The following TEK variants were observed in gnomAD, a reference collection of about 807,000 sequenced individuals.
The protein encoded by TEK is angiopoietin-1 receptor.
In TEK, 43 loss-of-function variants were observed where a neutral mutation model predicts 131.8. The observed-to-expected ratio is 0.33, with a 90% confidence interval of 0.26 to 0.42. The LOEUF is 0.42. Ranked by LOEUF, TEK falls within the 10% of genes least tolerant of loss-of-function variation. The pLI is 1.00. For synonymous variants in TEK, 580 were observed against 491.6 expected (o/e 1.18, Z -2.38); for missense variants, 1,162 against 1,384.4 (o/e 0.84, Z 2.55).
Position 27,197,451 on chromosome 9 carries a change from T to C in TEK, c.1761T>C (p.Asp587=). Residue 587 remains aspartate, a synonymous_variant, in exon 12 of 23, where the codon GAT becomes GAC. Coordinates refer to ENST00000380036, the MANE Select transcript of TEK (RefSeq NM_000459.5). Reference sequence around the variant, plus strand: ...AGAGAAGGTCTGTGCAAAAAAGTGATCAGCAGAATATTAAAGTTCCAGGCA... The same window carrying C: ...AGAGAAGGTCTGTGCAAAAAAGTGACCAGCAGAATATTAAAGTTCCAGGCA... ...EVERRSVQKS[D]QQNIKVPGNL... 6.2e-7 allele frequency: 1 copy of C among 1,614,074 alleles called. No individual in the cohort carries two copies. Among genetic ancestry groups the C allele is most frequent in the Admixed American group, 1.7e-5 (1 of 60,006 alleles).
intron 4 of TEK, 110 bp from the exon 5 acceptor site, chr9:27,172,506 A>T (rs1246538878): frequency 1.4e-6 from 2 of 1,459,524 alleles, no homozygotes; most frequent in Admixed American, 3.8e-5. Flanking sequence ...CCTGTATTTT[A>T]TCTTTATTCA....
Position 27,212,852 on chromosome 9 carries a change from C to A in TEK, c.2832C>A (p.Phe944Leu). ...STLSSQQLLH[F>L]AADVARGMDY... ...TGTCCTCCCAGCAGCTCCTTCACTT[C>A]GCTGCCGACGTGGCCCGGGGCATGG... The change falls in exon 17 of 23, where the codon TTC becomes TTA. Residue 944 changes from phenylalanine to leucine, a missense_variant. Around this residue, in one of 6 missense-constraint regions of TEK, gnomAD observed 107 missense variants for 173.9 expected, o/e 0.62. Coordinates refer to ENST00000380036, the MANE Select transcript of TEK (RefSeq NM_000459.5). 6.2e-7 allele frequency: 1 copy of A among 1,614,130 alleles called. No homozygotes were observed.
rs757194893 is a variant in TEK, at chr9:27,157,861, T to G, written c.83T>G (p.Leu28Trp). The G allele has an allele frequency of 1.2e-6, 2 of 1,614,134 alleles. No homozygotes were observed. The highest frequency in any genetic ancestry group is 1.7e-6 in the Non-Finnish European group (2 of 1,179,992). Residue 28 changes from leucine to tryptophan, a missense_variant, in exon 2 of 23, where the codon TTG (leucine) becomes TGG (tryptophan). Around this residue, in one of 6 missense-constraint regions of TEK, gnomAD observed 436 missense variants for 539.1 expected, o/e 0.81. Transcript: ENST00000380036. ...GTVEGAMDLI[L>W]INSLPLVSDA... is the part of the protein sequence containing the mutation. Reference sequence around the variant, plus strand: ...GTGGAAGGTGCCATGGACTTGATCTTGATCAATTCCCTACCTCTTGTATCT... The same window carrying G: ...GTGGAAGGTGCCATGGACTTGATCTGGATCAATTCCCTACCTCTTGTATCT...
At chr9:27,164,120 G>A (rs939941160) in intron 2 of TEK, among the ~76,000 whole-genome samples, 3 of 152,078 alleles carry the variant, frequency 2.0e-5, no homozygotes, top group South Asian at 2.1e-4. Context: ...AGATTCCTTG[G>A]TTCAAATCCT....
At chr9:27,187,131 A>G (rs1431173984) in intron 9 of TEK, among the ~76,000 whole-genome samples, 1 of 152,194 alleles carries the variant, frequency 6.6e-6, no homozygotes, top group Admixed American at 6.6e-5. Context: ...CCATGTGGTG[A>G]ATACACAGAA....
intron 9 of TEK, 70 bp downstream of exon 9, chr9:27,185,699 C>A: frequency 6.3e-7 from 1 of 1,594,504 alleles, no homozygotes; most frequent in Non-Finnish European, 8.6e-7. Flanking sequence ...TGCTTCTAGA[C>A]AGAAATGTAT....
chr9:27,172,437 C>T (rs146647611), intron 4 of TEK, among the ~76,000 whole-genome samples, 179 bp from the exon 5 acceptor site: 71 of 152,278 alleles, frequency 4.7e-4, no homozygotes, highest in Admixed American at 1.1e-3. Flanking sequence ...GTTTCTGTCG[C>T]GATTTCCTGT....
chr9:27,157,604 G>T (rs1167507473), intron 1 of TEK, among the ~76,000 whole-genome samples: 5 of 152,170 alleles, frequency 3.3e-5, no homozygotes, highest in Non-Finnish European at 7.4e-5. Context: ...TGCAACTAGG[G>T]TATGCAGTGG....
intron 1 of TEK, among the ~76,000 whole-genome samples, chr9:27,147,730 G>T (rs1822979256): frequency 1.3e-5 from 2 of 152,108 alleles, no homozygotes; most frequent in Admixed American, 1.3e-4. Flanking sequence ...TGTTTTACAC[G>T]ATGTATTTTT....
chr9:27,162,472 C>T (rs996284019), intron 2 of TEK, among the ~76,000 whole-genome samples: 1 of 152,122 alleles, frequency 6.6e-6, no homozygotes, highest in Non-Finnish European at 1.5e-5. Context: ...AAGTTTGAAA[C>T]GTTTTCAGAT....
chr9:27,119,339 A>G (rs977094007), intron 1 of TEK, among the ~76,000 whole-genome samples: 3 of 152,224 alleles, frequency 2.0e-5, no homozygotes, highest in African/African-American at 7.2e-5. Context: ...TAACTTAAAA[A>G]TACTTAGAAC....
At chr9:27,144,872 C>T (rs1408212943) in intron 1 of TEK, among the ~76,000 whole-genome samples, 1 of 152,094 alleles carries the variant, frequency 6.6e-6, no homozygotes, top group Admixed American at 6.6e-5. Flanking sequence ...AGAAAAGCAA[C>T]ATATAGGGAG....
At position 27,199,180 on chromosome 9, in the gene TEK, A is replaced by T. The variant is rs116428660; in HGVS notation, c.1909+1581A>T. Among the ~76,000 whole-genome samples the T allele has an allele frequency of 6.2e-3, 946 of 152,318 alleles. 9 individuals are homozygous for T. Among genetic ancestry groups the T allele is most frequent in the African/African-American group, 0.022 (902 of 41,572 alleles). ...TTCATTTTTTGAATGGACATTATGA[A>T]TTTTATCGATCCATGTTTATTTAGC... On this transcript the variant is annotated intron_variant, in intron 12 of 22. Transcript: ENST00000380036.
chr9:27,199,199 A>G (rs1050060824), intron 12 of TEK, among the ~76,000 whole-genome samples: 2 of 152,176 alleles, frequency 1.3e-5, no homozygotes, highest in East Asian at 3.9e-4. Flanking sequence ...ATCCATGTTT[A>G]TTTAGCTTTG....
intron 1 of TEK, among the ~76,000 whole-genome samples, chr9:27,132,692 CT>C (rs537423479): frequency 3.4e-4 from 51 of 152,236 alleles, no homozygotes; most frequent in South Asian, 3.3e-3. Context: ...TGTGCTTTAG[CT>C]TCCTTAAAAT....
At chr9:27,117,245 A>G (rs1007569781) in intron 1 of TEK, among the ~76,000 whole-genome samples, 2 of 152,160 alleles carry the variant, frequency 1.3e-5, no homozygotes, top group African/African-American at 2.4e-5. Context: ...ACCAGCCTGC[A>G]GGTGTGTTAT....
intron 21 of TEK, among the ~76,000 whole-genome samples, chr9:27,225,681 A>T (rs947951669): frequency 6.6e-6 from 1 of 152,320 alleles, no homozygotes; most frequent in Middle Eastern, 3.4e-3. Flanking sequence ...GCATGGGCAA[A>T]GACTTCATGA....
At chr9:27,152,042 G>C (rs1823145331) in intron 1 of TEK, among the ~76,000 whole-genome samples, 1 of 152,124 alleles carries the variant, frequency 6.6e-6, no homozygotes, top group South Asian at 2.1e-4. Context: ...AATGCCTTTG[G>C]CCAAGGAAGT....
chr9:27,126,003 G>A (rs1343531282), intron 1 of TEK, among the ~76,000 whole-genome samples: 1 of 152,160 alleles, frequency 6.6e-6, no homozygotes, highest in Non-Finnish European at 1.5e-5. Context: ...TTTTGTTGGG[G>A]TCACAGCTAG....
Sources: allele counts gnomAD v4.1 joint callset (sites outside exome capture counted in the v4.1 genomes callset), GRCh38; gene constraint gnomAD v4.1.1; regional missense constraint gnomAD v4.1.1; transcripts MANE v1.5; gene names NCBI Gene and HGNC (gene_info 2026-07-23, HGNC 2026-07-21).